Variants in RRAGD observed in about 807,000 individuals in gnomAD.
The protein encoded by RRAGD is ras-related GTP-binding protein D.
In RRAGD, 12 loss-of-function variants were observed where a neutral mutation model predicts 35.5. The ratio of observed to expected loss-of-function variants is 0.34; its 90% CI spans 0.22 to 0.55. RRAGD has a LOEUF of 0.55. Ranked by LOEUF, RRAGD falls within the 20% of genes least tolerant of loss-of-function variation. The pLI, the probability that RRAGD is intolerant of heterozygous loss-of-function variation, is 0.91. For synonymous variants in RRAGD, 155 were observed against 178.9 expected, an observed-to-expected ratio of 0.87 and a Z score of 1.07; for missense variants, 324 against 490.1, an observed-to-expected ratio of 0.66 and a Z score of 3.20.
chr6:89,384,374 T>C (rs76638649), intron 2 of RRAGD, among the ~76,000 whole-genome samples: 5,624 of 152,284 alleles, frequency 0.037, 357 homozygotes, highest in African/African-American at 0.13. Context: ...GATAAGGTCT[T>C]GCTCTGTCAC....
At position 89,411,788 on chromosome 6, in the gene RRAGD, G is replaced by C. The variant is rs1448923769; in HGVS notation, c.148+58C>G. ...TCGCGCACGGCCGGGCTGGGGGCGG[G>C]AAGGCGCCAAGGGGAGGAAAGGGGC... On this transcript the variant is annotated intron_variant, in intron 1 of 6. Transcript: ENST00000369415. The surrounding 1 kb of genome is among the most constrained non-coding windows in gnomAD (Gnocchi z 5.6). 3 of 1,501,324 alleles carry C rather than the reference G, an allele frequency of 2.0e-6. No homozygotes were observed. Among genetic ancestry groups the C allele is most frequent in the Middle Eastern group, 2.1e-4 (1 of 4,782 alleles). 93.0% of individuals were successfully genotyped at this position (1,501,324 alleles called of 1,614,324 possible).
chr6:89,377,994 T>C (rs1213000366), intron 4 of RRAGD, among the ~76,000 whole-genome samples, 181 bp from the exon 5 acceptor site: 1 of 152,222 alleles, frequency 6.6e-6, no homozygotes. Context: ...TTCTCTATAC[T>C]GGACTTGCAT....
At position 89,398,570 on chromosome 6, in the gene RRAGD, C is replaced by T. The variant is rs79122002; in HGVS notation, c.149-10980G>A. On this transcript the variant is annotated intron_variant, in intron 1 of 6. Coordinates refer to ENST00000369415, the MANE Select transcript of RRAGD (RefSeq NM_021244.5). ...AGAGAAGGAGCAGGCAGGAGCTCCT[C>T]CAGAAGAGGGAAGTCCAAATGTAAG... Among the ~76,000 whole-genome samples, 1,275 of 152,240 alleles carry T rather than the reference C, an allele frequency of 8.4e-3. 16 individuals carry two copies. Among genetic ancestry groups the T allele is most frequent in the African/African-American group, 0.029 (1,200 of 41,542 alleles).
intron 1 of RRAGD, among the ~76,000 whole-genome samples, chr6:89,391,696 T>C (rs1010343060): frequency 2.6e-5 from 4 of 152,148 alleles, no homozygotes; most frequent in Admixed American, 2.0e-4. Context: ...CTCACACCTG[T>C]AATCATAGCA....
rs13217501 is a variant in RRAGD at position 89,379,980 on chromosome 6, G to A, written c.644+188C>T. Among the ~76,000 whole-genome samples the A allele has an allele frequency of 0.087, 13,305 of 152,196 alleles. 760 individuals are homozygous for A. Among genetic ancestry groups the A allele is most frequent in the Non-Finnish European group, 0.12 (8,336 of 67,994 alleles). ...ATTTGTTAAAAAACAAAAAAACATC[G>A]CTTTCACTAAAGATTAGCATTAGCA... On this transcript the variant is annotated intron_variant, in intron 3 of 6. Transcript: ENST00000369415.
chr6:89,403,381 C>T lies in RRAGD; in HGVS notation c.148+8465G>A, dbSNP rs149727790. ...AATGGCGTGAACCCAGGAGGCGGAG[C>T]TTGCAGTGAGCAGAGATCGCGCCAC... On this transcript the variant is annotated intron_variant, in intron 1 of 6. Coordinates refer to ENST00000369415, the MANE Select transcript of RRAGD (RefSeq NM_021244.5). Among the ~76,000 whole-genome samples, 480 of 151,878 alleles carry T rather than the reference C, an allele frequency of 3.2e-3. 1 individual carries two copies. Among genetic ancestry groups the T allele is most frequent in the African/African-American group, 0.011 (442 of 41,426 alleles).
At chr6:89,397,831 G>A (rs889327656) in intron 1 of RRAGD, among the ~76,000 whole-genome samples, 7 of 152,104 alleles carry the variant, frequency 4.6e-5, no homozygotes, top group Middle Eastern at 3.2e-3. Context: ...GGCAAATAGC[G>A]TATCAGTGGT....
intron 1 of RRAGD, among the ~76,000 whole-genome samples, chr6:89,403,014 T>C (rs959723980): frequency 1.3e-5 from 2 of 152,128 alleles, no homozygotes; most frequent in Non-Finnish European, 2.9e-5. Flanking sequence ...TCAATGGCCA[T>C]GATGTTTCAG....
chr6:89,375,296 G>A (rs1185579783), intron 5 of RRAGD, among the ~76,000 whole-genome samples: 1 of 151,598 alleles, frequency 6.6e-6, no homozygotes, highest in Non-Finnish European at 1.5e-5. Context: ...ATCAGAAAAA[G>A]GTAAACATTA....
Position 89,411,931 on chromosome 6 carries a change from C to T in RRAGD, c.63G>A (p.Glu21=), listed in dbSNP as rs1165148683. Reference sequence around the variant, plus strand: ...CCGCTAGCCCCACCAGCTCATCCTCCTCCTCCTCCTCCTCCGCGTCGTCCT... The same window carrying T: ...CCGCTAGCCCCACCAGCTCATCCTCTTCCTCCTCCTCCTCCGCGTCGTCCT... ...QDEDDAEEEE[E]EDELVGLADY... Residue 21 remains glutamate, a synonymous_variant, in exon 1 of 7, where the codon GAG becomes GAA. Transcript: ENST00000369415. The surrounding 1 kb of genome is among the most constrained non-coding windows in gnomAD (Gnocchi z 5.6). 4 of 1,539,576 alleles carry T rather than the reference C, an allele frequency of 2.6e-6. No homozygotes were observed. The African/African-American group carries it at 4.1e-5, about 16-fold the overall frequency.
At chr6:89,381,190 C>T (rs1243551791) in intron 2 of RRAGD, among the ~76,000 whole-genome samples, 1 of 152,152 alleles carries the variant, frequency 6.6e-6, no homozygotes, top group African/African-American at 2.4e-5. Context: ...GGAACATGCT[C>T]ATTTGCTTTC....
chr6:89,399,655 C>T (rs6907843), intron 1 of RRAGD, among the ~76,000 whole-genome samples: 42,338 of 151,792 alleles, frequency 0.28, 6,776 homozygotes, highest in African/African-American at 0.43. Context: ...TGGCTCGTGC[C>T]TATAGTCCCA....
chr6:89,392,015 G>A (rs1433003712), intron 1 of RRAGD, among the ~76,000 whole-genome samples: 1 of 150,222 alleles, frequency 6.7e-6, no homozygotes, highest in Admixed American at 6.6e-5. Context: ...GCACACCTTT[G>A]TGAATATACT....
chr6:89,410,314 C>G (rs935468241), intron 1 of RRAGD, among the ~76,000 whole-genome samples: 6 of 152,208 alleles, frequency 3.9e-5, no homozygotes, highest in African/African-American at 1.4e-4. Context: ...CACACACACC[C>G]TACTGTGTCC....
At chr6:89,373,986 T>G (rs1293191673) in intron 5 of RRAGD, among the ~76,000 whole-genome samples, 1 of 152,198 alleles carries the variant, frequency 6.6e-6, no homozygotes, top group Non-Finnish European at 1.5e-5. Context: ...CTTTTCCCCC[T>G]TACCTAAAAC....
chr6:89,403,435 ACT>A (rs755969244), intron 1 of RRAGD, among the ~76,000 whole-genome samples: 3 of 150,570 alleles, frequency 2.0e-5, no homozygotes, highest in Non-Finnish European at 3.0e-5. Flanking sequence ...ACAGAGCAAG[ACT>A]CTGTCAAAAA....
chr6:89,395,607 C>A (rs529763232), intron 1 of RRAGD, among the ~76,000 whole-genome samples: 1 of 152,098 alleles, frequency 6.6e-6, no homozygotes, highest in African/African-American at 2.4e-5. Flanking sequence ...ATATTAAATA[C>A]TCCTTAAATT....
At chr6:89,382,239 C>T (rs1393128537) in intron 2 of RRAGD, among the ~76,000 whole-genome samples, 3 of 151,628 alleles carry the variant, frequency 2.0e-5, no homozygotes, top group African/African-American at 7.3e-5. Context: ...GAGGGAAAAA[C>T]CGCAAATGGA....
intron 6 of RRAGD, among the ~76,000 whole-genome samples, chr6:89,371,777 G>A (rs1768857825): frequency 1.3e-5 from 2 of 151,964 alleles, no homozygotes; most frequent in Non-Finnish European, 2.9e-5. Context: ...AGTAAGCTAG[G>A]GACTTCTGTT....
Sources: gnomAD v4.1 joint callset for allele counts (sites outside exome capture counted in the v4.1 genomes callset) on GRCh38, gnomAD v4.1.1 for gene constraint, Gnocchi (gnomAD v3.1) non-coding constraint, MANE v1.5 for transcripts, NCBI Gene and HGNC (gene_info 2026-07-23, HGNC 2026-07-21) for gene names.